Variants in SYNCRIP observed in about 807,000 individuals in gnomAD.
SYNCRIP encodes heterogeneous nuclear ribonucleoprotein Q.
A neutral mutation model predicts 68.9 loss-of-function variants in SYNCRIP; 9 were observed. The observed-to-expected ratio is 0.13, with a 90% confidence interval of 0.08 to 0.23. SYNCRIP has a LOEUF of 0.23. Ranked by LOEUF, SYNCRIP falls within the 10% of genes least tolerant of loss-of-function variation. The probability of loss-of-function intolerance (pLI) is 1.00; values close to 1 mark genes in which losing one functional copy is unlikely to be tolerated. For missense variants in SYNCRIP, 414 were observed against 770.6 expected (o/e 0.54, Z 5.48); for synonymous variants, 258 against 254.0 (o/e 1.02, Z -0.15).
At chr6:85,609,421 C>T (rs1805073496), downstream of SYNCRIP, 1 of 151,868 alleles carries the variant, frequency 6.6e-6, no homozygotes, top group Non-Finnish European at 1.5e-5. Flanking sequence ...ACTCAGATCA[C>T]CCCATCAATC....
At chr6:85,632,854 G>GT (rs1415144950) in intron 6 of SYNCRIP, among the ~76,000 whole-genome samples, 1 of 152,182 alleles carries the variant, frequency 6.6e-6, no homozygotes, top group East Asian at 1.9e-4. Context: ...GGAGGATCAC[G>GT]TAAGCCCGGG....
At chr6:85,633,530 G>C (rs988320226) in intron 6 of SYNCRIP, among the ~76,000 whole-genome samples, 2 of 152,026 alleles carry the variant, frequency 1.3e-5, no homozygotes, top group Non-Finnish European at 2.9e-5. Context: ...GGCAGAGGTT[G>C]CAGTGAGTTG....
intron 6 of SYNCRIP, among the ~76,000 whole-genome samples, chr6:85,631,819 G>A (rs1255630730): frequency 6.6e-6 from 1 of 152,176 alleles, no homozygotes; most frequent in Non-Finnish European, 1.5e-5. Context: ...TTAGCTGTAT[G>A]GCCTCAGGCA....
At chr6:85,612,710 A>G (rs1805341108), downstream of SYNCRIP, 4 of 548,064 alleles carry the variant, frequency 7.3e-6, no homozygotes, top group East Asian at 1.4e-4. Flanking sequence ...AGAAATTCAT[A>G]TCAAAGTCCA....
chr6:85,642,310 C>T (rs1335271052), intron 1 of SYNCRIP, among the ~76,000 whole-genome samples: 1 of 152,156 alleles, frequency 6.6e-6, no homozygotes, highest in Non-Finnish European at 1.5e-5. Flanking sequence ...CGAGACGTGA[C>T]CCGTGGCGCG....
At chr6:85,619,642 T>C (rs1275408950) in intron 8 of SYNCRIP, among the ~76,000 whole-genome samples, 3 of 152,170 alleles carry the variant, frequency 2.0e-5, no homozygotes, top group African/African-American at 4.8e-5. Flanking sequence ...GATATACAGA[T>C]GGCAAAGAAT....
At chr6:85,611,403 T>C (rs1805231806), downstream of SYNCRIP, 1 of 152,592 alleles carries the variant, frequency 6.6e-6, no homozygotes, top group South Asian at 2.1e-4. Flanking sequence ...TGTCTGATTT[T>C]CTTGTTAAAT....
chr6:85,614,106 T>C lies in SYNCRIP; in HGVS notation c.*650A>G. On this transcript the variant is annotated 3_prime_UTR_variant, in exon 11 of 11. Transcript: ENST00000369622. ...TGTGCAGACATATTCCACACAAGAA[T>C]TAACAAGGCACAAAACCCTTTAATT... 1 of 985,876 alleles carries C rather than the reference T, an allele frequency of 1.0e-6. No individual in the cohort carries two copies. Among genetic ancestry groups the C allele is most frequent in the Non-Finnish European group, 1.2e-6 (1 of 829,934 alleles). 61.1% of individuals were successfully genotyped at this position (985,876 alleles called of 1,614,324 possible).
intron 6 of SYNCRIP, among the ~76,000 whole-genome samples, chr6:85,631,719 G>A (rs1807817482): frequency 6.6e-6 from 1 of 152,224 alleles, no homozygotes; most frequent in South Asian, 2.1e-4. Flanking sequence ...GCTACCTGGT[G>A]ACGTAACTTG....
intron 7 of SYNCRIP, among the ~76,000 whole-genome samples, chr6:85,623,560 T>C (rs1253000063): frequency 9.1e-5 from 4 of 43,796 alleles, no homozygotes; most frequent in South Asian, 1.2e-3. Flanking sequence ...CAAGACTGTC[T>C]CCAAAAAAAA....
intron 1 of SYNCRIP, 64 bp from the exon 2 acceptor site, chr6:85,641,515 A>G: frequency 7.4e-6 from 11 of 1,496,070 alleles, no homozygotes; most frequent in Non-Finnish European, 9.9e-6. Flanking sequence ...ACAATATGAG[A>G]GCCCCATCTT....
intron 6 of SYNCRIP, among the ~76,000 whole-genome samples, chr6:85,628,927 C>T (rs888783169): frequency 6.6e-6 from 1 of 152,222 alleles, no homozygotes; most frequent in Non-Finnish European, 1.5e-5. Context: ...ATACAACCTA[C>T]AGCATACCAC....
At chr6:85,609,511 CT>C (rs1197372223), downstream of SYNCRIP, 3 of 151,908 alleles carry the variant, frequency 2.0e-5, no homozygotes, top group Non-Finnish European at 2.9e-5. Context: ...AGAAAAGTTT[CT>C]TAAGCTAAAA....
chr6:85,616,676 C>T (rs996224406), intron 10 of SYNCRIP, among the ~76,000 whole-genome samples: 1 of 152,130 alleles, frequency 6.6e-6, no homozygotes, highest in Non-Finnish European at 1.5e-5. Flanking sequence ...TTAAAGGCCC[C>T]TGTTCCAACT....
intron 1 of SYNCRIP, among the ~76,000 whole-genome samples, chr6:85,642,512 C>CAG (rs1216692169): frequency 6.6e-6 from 1 of 152,184 alleles, no homozygotes; most frequent in African/African-American, 2.4e-5. Context: ...ACCGCCACGA[C>CAG]AGCACCAACT....
At chr6:85,607,972 C>T (rs951459783), downstream of SYNCRIP, 2 of 152,158 alleles carry the variant, frequency 1.3e-5, no homozygotes, top group South Asian at 2.1e-4. Context: ...CTGCTCGTCC[C>T]GCAACCAAGA....
intron 9 of SYNCRIP, 129 bp downstream of exon 9, chr6:85,619,138 CA>C (rs1202745133): frequency 1.5e-6 from 2 of 1,364,948 alleles, no homozygotes; most frequent in Non-Finnish European, 1.0e-6. Flanking sequence ...TCACTAAAAC[CA>C]AAAGGTTTTA....
At chr6:85,620,832 A>G (rs1209429269) in intron 8 of SYNCRIP, among the ~76,000 whole-genome samples, 1 of 152,254 alleles carries the variant, frequency 6.6e-6, no homozygotes, top group Non-Finnish European at 1.5e-5. Context: ...ACTACAGGCT[A>G]CATCAGTAAT....
chr6:85,623,899 C>G, intron 7 of SYNCRIP, 78 bp downstream of exon 7: 1 of 1,531,598 alleles, frequency 6.5e-7, no homozygotes, highest in African/African-American at 1.4e-5. Flanking sequence ...GTATTTAGAA[C>G]AATGCATGAC....
Sources: gnomAD v4.1 joint callset for allele counts (sites outside exome capture counted in the v4.1 genomes callset) on GRCh38, gnomAD v4.1.1 for gene constraint, MANE v1.5 for transcripts, NCBI Gene and HGNC (gene_info 2026-07-23, HGNC 2026-07-21) for gene names.